The following SCFD2 variants were observed in gnomAD, a reference collection of about 807,000 sequenced individuals.
The protein encoded by SCFD2 is sec1 family domain-containing protein 2.
SCFD2 carries 54 observed loss-of-function variants against 58.9 expected under a neutral mutation model. The observed-to-expected ratio is 0.92, with a 90% CI of 0.74 to 1.15. The LOEUF is 1.15. Among genes scored for constraint, SCFD2 ranks in the 50% most tolerant of loss-of-function variants. SCFD2 has a pLI of 0.00. For synonymous variants in SCFD2, 321 were observed against 335.9 expected (o/e 0.96, Z 0.49); for missense variants, 805 against 836.6 (o/e 0.96, Z 0.47).
intron 8 of SCFD2, among the ~76,000 whole-genome samples, chr4:52,881,698 C>G (rs1577794554): frequency 6.6e-6 from 1 of 152,294 alleles, no homozygotes; most frequent in Admixed American, 6.5e-5. Flanking sequence ...GCAATAGATA[C>G]AAAAGACAAA....
intron 4 of SCFD2, among the ~76,000 whole-genome samples, chr4:53,235,771 G>A (rs1455742702): frequency 6.6e-6 from 1 of 152,190 alleles, no homozygotes; most frequent in Non-Finnish European, 1.5e-5. Flanking sequence ...GGAAATGAAA[G>A]TATGAGCATG....
intron 5 of SCFD2, among the ~76,000 whole-genome samples, chr4:53,124,368 A>C (rs1485932293): frequency 6.6e-6 from 1 of 152,220 alleles, no homozygotes; most frequent in Non-Finnish European, 1.5e-5. Flanking sequence ...TGAGAAAAGA[A>C]GCATAGAAAG....
rs189957620 is a variant in SCFD2 at position 53,242,282 on chromosome 4, T to C, written c.1311+31544A>G. Among the ~76,000 whole-genome samples, 7 of 152,308 alleles carry C rather than the reference T, an allele frequency of 4.6e-5. No homozygotes were observed. In the East Asian group the frequency reaches 1.4e-3, roughly 29 times the overall value. The stretch of plus-strand genomic sequence containing the variant: ...ACCTCAGTCCCCTAAGTGCAGCCGG[T>C]TCCTAACCTTGAGGAGCCAGAGAAC... On this transcript the variant is annotated intron_variant, in intron 4 of 8. Transcript: ENST00000401642.
chr4:52,875,260 C>T (rs1183972562), intron 8 of SCFD2, among the ~76,000 whole-genome samples: 2 of 152,184 alleles, frequency 1.3e-5, no homozygotes, highest in Non-Finnish European at 2.9e-5. Flanking sequence ...CTTTCTGCTT[C>T]CCTCAGTCTG....
intron 5 of SCFD2, among the ~76,000 whole-genome samples, chr4:52,979,506 T>C (rs1267501543): frequency 1.3e-5 from 2 of 152,052 alleles, no homozygotes; most frequent in Admixed American, 6.5e-5. Flanking sequence ...GTGATTGAAA[T>C]CATTAATTCA....
At chr4:53,263,309 G>T (rs1730882445) in intron 4 of SCFD2, among the ~76,000 whole-genome samples, 1 of 152,114 alleles carries the variant, frequency 6.6e-6, no homozygotes, top group Admixed American at 6.5e-5. Context: ...ATCTTTTGGG[G>T]CTGTTAAAGA....
intron 5 of SCFD2, among the ~76,000 whole-genome samples, chr4:52,998,636 G>T (rs1033218968): frequency 1.3e-5 from 2 of 152,112 alleles, no homozygotes; most frequent in Non-Finnish European, 2.9e-5. Flanking sequence ...TAGTCAGGAG[G>T]AACTCCTTCC....
At chr4:53,310,316 T>C (rs1732653063) in intron 3 of SCFD2, among the ~76,000 whole-genome samples, 1 of 152,200 alleles carries the variant, frequency 6.6e-6, no homozygotes, top group Non-Finnish European at 1.5e-5. Flanking sequence ...TCTAATATAA[T>C]AGAATAGTTC....
chr4:53,258,538 GTATATATATATATATA>G (rs59321045), intron 4 of SCFD2, among the ~76,000 whole-genome samples: 62,252 of 120,318 alleles, frequency 0.52, 16,590 homozygotes, highest in Admixed American at 0.61. Context: ...TGGTGTGTGT[GTATATATATATATATA>G]TATATATATA....
chr4:53,167,602 T>G (rs190445469), intron 4 of SCFD2, among the ~76,000 whole-genome samples: 1 of 152,328 alleles, frequency 6.6e-6, no homozygotes, highest in Admixed American at 6.5e-5. Flanking sequence ...AATGAGATAG[T>G]CCGTATATAT....
At chr4:53,060,942 C>T (rs1723492723) in intron 5 of SCFD2, among the ~76,000 whole-genome samples, 2 of 152,100 alleles carry the variant, frequency 1.3e-5, no homozygotes, top group Non-Finnish European at 2.9e-5. Context: ...GTAACACCTA[C>T]AGTGAATTAT....
At chr4:53,337,213 T>A (rs901753581) in intron 2 of SCFD2, among the ~76,000 whole-genome samples, 4 of 152,212 alleles carry the variant, frequency 2.6e-5, no homozygotes, top group African/African-American at 9.7e-5. Context: ...TCTTGTGTGT[T>A]CACATGGTCA....
chr4:53,182,233 T>A (rs368891375), intron 4 of SCFD2, among the ~76,000 whole-genome samples: 3 of 152,070 alleles, frequency 2.0e-5, no homozygotes, highest in African/African-American at 4.8e-5. Flanking sequence ...GGAGGCATCA[T>A]GCTACCTGAC....
intron 2 of SCFD2, among the ~76,000 whole-genome samples, chr4:53,317,789 A>C (rs183880476): frequency 6.6e-6 from 1 of 152,208 alleles, no homozygotes; most frequent in Admixed American, 6.5e-5. Context: ...TTCTCTCTGT[A>C]CATGTTTTCT....
chr4:53,056,196 A>G (rs1320237478), intron 5 of SCFD2, among the ~76,000 whole-genome samples: 1 of 151,946 alleles, frequency 6.6e-6, no homozygotes, highest in Non-Finnish European at 1.5e-5. Context: ...AGGCCTAGAA[A>G]AATAACAATG....
chr4:53,143,935 G>A (rs1726242929), intron 5 of SCFD2, among the ~76,000 whole-genome samples: 1 of 151,904 alleles, frequency 6.6e-6, no homozygotes, highest in Non-Finnish European at 1.5e-5. Flanking sequence ...CATACGCATG[G>A]AAATTAGCTT....
intron 5 of SCFD2, among the ~76,000 whole-genome samples, chr4:52,991,232 C>A (rs751378515): frequency 6.6e-6 from 1 of 152,080 alleles, no homozygotes; most frequent in Admixed American, 6.5e-5. Flanking sequence ...AAATATGATA[C>A]CCTGTCTGAA....
At chr4:53,277,556 G>A (rs1023259274) in intron 3 of SCFD2, among the ~76,000 whole-genome samples, 5 of 152,100 alleles carry the variant, frequency 3.3e-5, no homozygotes, top group Non-Finnish European at 5.9e-5. Context: ...TATGAAAACT[G>A]CCTACCTCTC....
chr4:53,103,881 C>A (rs1480648137), intron 5 of SCFD2, among the ~76,000 whole-genome samples: 1 of 108,668 alleles, frequency 9.2e-6, no homozygotes, highest in Admixed American at 1.1e-4. Context: ...ATGGCCAAAG[C>A]TGGAACAATA....
Sources: allele counts gnomAD v4.1 joint callset (sites outside exome capture counted in the v4.1 genomes callset), GRCh38; gene constraint gnomAD v4.1.1; transcripts MANE v1.5; gene names NCBI Gene and HGNC (gene_info 2026-07-23, HGNC 2026-07-21).